NRG3: variants seen among roughly 807,000 people sequenced by gnomAD.
NRG3 encodes the protein neuregulin 3.
Under a neutral mutation model 66.9 loss-of-function variants are expected in NRG3, and 31 were observed. The observed-to-expected ratio is 0.46, with a 90% CI of 0.35 to 0.63. NRG3 has a LOEUF of 0.63. NRG3 is among the 20% of genes least tolerant of loss of function. The pLI is 0.00. For missense variants in NRG3, 910 were observed against 878.9 expected (o/e 1.04, Z -0.45); for synonymous variants, 393 against 359.4 (o/e 1.09, Z -1.06).
At chr10:82,256,339 C>T (rs2077724680) in intron 1 of NRG3, among the ~76,000 whole-genome samples, 1 of 152,190 alleles carries the variant, frequency 6.6e-6, no homozygotes, top group Admixed American at 6.5e-5. Context: ...TCCCCCAAAT[C>T]GATGCCTTTG....
At chr10:82,880,091 G>C (rs1842177764) in intron 4 of NRG3, among the ~76,000 whole-genome samples, 1 of 150,022 alleles carries the variant, frequency 6.7e-6, no homozygotes, top group Non-Finnish European at 1.5e-5. Flanking sequence ...ATAGAGGAAA[G>C]AGAATGAATG....
At chr10:82,078,925 G>T (rs1361679791) in intron 1 of NRG3, among the ~76,000 whole-genome samples, 3 of 152,108 alleles carry the variant, frequency 2.0e-5, no homozygotes, top group Non-Finnish European at 4.4e-5. Flanking sequence ...TGACTTCCTT[G>T]AGTTGCCTGG....
At chr10:82,209,933 C>G (rs2075314284) in intron 1 of NRG3, among the ~76,000 whole-genome samples, 1 of 151,542 alleles carries the variant, frequency 6.6e-6, no homozygotes, top group Non-Finnish European at 1.5e-5. Context: ...GTAATTGATG[C>G]AAAAAAATCA....
intron 1 of NRG3, among the ~76,000 whole-genome samples, chr10:82,095,105 T>G (rs1316961101): frequency 1.3e-5 from 2 of 152,110 alleles, no homozygotes. Flanking sequence ...CATCCTACTG[T>G]GTGAAATTTG....
intron 1 of NRG3, among the ~76,000 whole-genome samples, chr10:82,094,677 C>T (rs2066227847): frequency 6.6e-6 from 1 of 152,100 alleles, no homozygotes; most frequent in Non-Finnish European, 1.5e-5. Flanking sequence ...TATCACATTT[C>T]ATGGTGTATG....
intron 1 of NRG3, among the ~76,000 whole-genome samples, chr10:82,278,526 A>C (rs1008439717): frequency 3.7e-4 from 56 of 152,130 alleles, no homozygotes; most frequent in African/African-American, 1.2e-3. Flanking sequence ...TTCTGTCAAT[A>C]AGAGCAATTG....
intron 1 of NRG3, among the ~76,000 whole-genome samples, chr10:81,957,471 C>G (rs1305802476): frequency 6.6e-6 from 1 of 152,154 alleles, no homozygotes; most frequent in Non-Finnish European, 1.5e-5. Flanking sequence ...CGAATTTATA[C>G]TTTGTCATAC....
chr10:82,523,307 T>C (rs528533303), intron 2 of NRG3, among the ~76,000 whole-genome samples: 1 of 152,246 alleles, frequency 6.6e-6, no homozygotes, highest in South Asian at 2.1e-4. Flanking sequence ...TATGGTAACT[T>C]TAGGTTTAGT....
chr10:82,720,621 A>G (rs996901422), intron 2 of NRG3, among the ~76,000 whole-genome samples: 25 of 151,552 alleles, frequency 1.6e-4, no homozygotes, highest in African/African-American at 5.4e-4. Flanking sequence ...CTCCTTCTCA[A>G]CAGTGTCATG....
intron 1 of NRG3, chr10:82,233,009 G>A (rs111248169): frequency 5.0e-5 from 28 of 560,938 alleles, no homozygotes; most frequent in African/African-American, 3.6e-4. Flanking sequence ...TGTGGGCAAG[G>A]TAGAGGAAAT....
At chr10:82,088,666 G>A (rs1414415197) in intron 1 of NRG3, among the ~76,000 whole-genome samples, 1 of 152,028 alleles carries the variant, frequency 6.6e-6, no homozygotes, top group Non-Finnish European at 1.5e-5. Context: ...CTTTGTATAT[G>A]ACTATACAAA....
intron 1 of NRG3, among the ~76,000 whole-genome samples, chr10:81,938,843 T>C (rs1383621608): frequency 6.6e-6 from 1 of 152,008 alleles, no homozygotes; most frequent in African/African-American, 2.4e-5. Flanking sequence ...TTCCTGATCA[T>C]AGGGGAAAAG....
chr10:82,685,859 C>T (rs1462714231), intron 2 of NRG3, among the ~76,000 whole-genome samples: 1 of 152,046 alleles, frequency 6.6e-6, no homozygotes, highest in Non-Finnish European at 1.5e-5. Context: ...CTAGCCTAGG[C>T]CTTCATGGGG....
chr10:82,340,061 A>G (rs1485644382), intron 1 of NRG3, among the ~76,000 whole-genome samples: 1 of 152,080 alleles, frequency 6.6e-6, no homozygotes, highest in Non-Finnish European at 1.5e-5. Flanking sequence ...TTTTTTGAGG[A>G]GGAAACTTCT....
At chr10:82,384,360 T>G (rs1465608125) in intron 2 of NRG3, among the ~76,000 whole-genome samples, 1 of 152,166 alleles carries the variant, frequency 6.6e-6, no homozygotes, top group Non-Finnish European at 1.5e-5. Flanking sequence ...TGTGCCATGG[T>G]GGTTTGCTGC....
intron 2 of NRG3, among the ~76,000 whole-genome samples, chr10:82,655,939 G>C (rs1292294392): frequency 6.6e-6 from 1 of 152,082 alleles, no homozygotes; most frequent in Non-Finnish European, 1.5e-5. Flanking sequence ...ATATGACCTT[G>C]TATTAGTTTG....
intron 3 of NRG3, among the ~76,000 whole-genome samples, chr10:82,784,417 A>G (rs1482995812): frequency 2.0e-5 from 3 of 152,002 alleles, no homozygotes; most frequent in Non-Finnish European, 4.4e-5. Context: ...CAGAGTGAAC[A>G]GGCAACCTAC....
chr10:82,796,735 C>T (rs1591551465), intron 3 of NRG3, among the ~76,000 whole-genome samples: 1 of 152,062 alleles, frequency 6.6e-6, no homozygotes, highest in East Asian at 1.9e-4. Flanking sequence ...GACCCTTCCT[C>T]TTTCCTAAAA....
chr10:82,198,373 C>T (rs1291037625), intron 1 of NRG3, among the ~76,000 whole-genome samples: 4 of 152,064 alleles, frequency 2.6e-5, no homozygotes, highest in Non-Finnish European at 5.9e-5. Context: ...TGGTTTAAAA[C>T]AAGAGAATCA....
Sources: gnomAD v4.1 joint callset for allele counts (sites outside exome capture counted in the v4.1 genomes callset) on GRCh38, gnomAD v4.1.1 for gene constraint, MANE v1.5 for transcripts, NCBI Gene and HGNC (gene_info 2026-07-23, HGNC 2026-07-21) for gene names.